CCDC142: variants seen among roughly 807,000 people sequenced by gnomAD.
The protein encoded by CCDC142 is coiled-coil domain containing 142, also known as coiled-coil domain-containing protein 142.
A neutral mutation model predicts 83.8 loss-of-function variants in CCDC142; 67 were observed. The observed-to-expected ratio is 0.80, with a 90% CI of 0.66 to 0.98. The LOEUF is 0.98. Ranked by LOEUF, CCDC142 falls within the 50% of genes least tolerant of loss-of-function variation. The pLI, the probability that CCDC142 is intolerant of heterozygous loss-of-function variation, is 0.00. For missense variants in CCDC142, 905 were observed against 946.8 expected, an observed-to-expected ratio of 0.96 and a Z score of 0.58; for synonymous variants, 421 against 421.2, an observed-to-expected ratio of 1.00 and a Z score of 0.01.
In CCDC142 at chr2:74,482,716, C is replaced by T. The variant is rs777058768; in HGVS notation, c.122G>A (p.Trp41Ter). 1 of 1,606,486 alleles carries T rather than the reference C, an allele frequency of 6.2e-7. No individual in the cohort carries two copies. Among genetic ancestry groups the T allele is most frequent in the South Asian group, 1.1e-5 (1 of 91,090 alleles). Residue 41 changes from tryptophan (W) to a stop codon, truncating the protein, a stop_gained, in exon 1 of 9, where the codon TGG becomes TAG. Coordinates refer to ENST00000393965, the MANE Select transcript of CCDC142 (RefSeq NM_001365575.2). LOFTEE classifies it high-confidence loss of function. The surrounding 1 kb of genome is among the most constrained non-coding windows in gnomAD (Gnocchi z 5.0). ...WERSRTGGLR[W>*]EVHCWPSGTS... is the part of the protein sequence containing the mutation. ...TCCGCTCGGCCAGCAGTGAACCTCC[C>T]AGCGAAGACCGCCCGTTCGACTTCT...
At position 74,482,706 on chromosome 2, in the gene CCDC142, G is replaced by T. The variant is rs1331715669; in HGVS notation, c.132C>A (p.His44Gln). The T allele has an allele frequency of 1.2e-6, 2 of 1,608,080 alleles. No individual in the cohort carries two copies. Among genetic ancestry groups the T allele is most frequent in the Non-Finnish European group, 1.7e-6 (2 of 1,179,986 alleles). The change falls in exon 1 of 9, where the codon CAC becomes CAA. Residue 44 changes from histidine to glutamine, a missense_variant. Physicochemically the swap from His to Gln is conservative, Grantham distance 24 (BLOSUM62 0). Coordinates refer to ENST00000393965, the MANE Select transcript of CCDC142 (RefSeq NM_001365575.2). The surrounding 1 kb of genome is among the most constrained non-coding windows in gnomAD (Gnocchi z 5.0). ...SRTGGLRWEV[H>Q]CWPSGTSGGT... ...CTCCAGAAGTTCCGCTCGGCCAGCA[G>T]TGAACCTCCCAGCGAAGACCGCCCG...
intron 5 of CCDC142, among the ~76,000 whole-genome samples, chr2:74,477,719 G>A (rs1273162439): frequency 6.6e-6 from 1 of 152,156 alleles, no homozygotes; most frequent in African/African-American, 2.4e-5. Context: ...AGGGCTCTAT[G>A]ACCGTCACTG....
At chr2:74,478,383 T>A (rs542112240) in intron 5 of CCDC142, among the ~76,000 whole-genome samples, 1 of 145,704 alleles carries the variant, frequency 6.9e-6, no homozygotes, top group South Asian at 2.2e-4. Context: ...TTGTTTTCTG[T>A]TTTTTTTTTG....
In CCDC142 at chr2:74,472,875, G is replaced by A. The variant is rs1672222499; in HGVS notation, c.*1671C>T. 1.7e-6 allele frequency: 1 copy of A among 599,082 alleles called. No individual in the cohort carries two copies. Among genetic ancestry groups the A allele is most frequent in the Non-Finnish European group, 3.0e-6 (1 of 336,504 alleles). 37.1% of individuals were successfully genotyped at this position (599,082 alleles called of 1,614,324 possible). Reference sequence around the variant, plus strand: ...TGGGGGAGCCCAAAGTAGGCTGTCAGCAAATACAGCCTATCATGAATAGTC... The same window carrying A: ...TGGGGGAGCCCAAAGTAGGCTGTCAACAAATACAGCCTATCATGAATAGTC... On this transcript the variant is annotated 3_prime_UTR_variant, in exon 9 of 9. Coordinates refer to ENST00000393965, the MANE Select transcript of CCDC142 (RefSeq NM_001365575.2).
intron 5 of CCDC142, among the ~76,000 whole-genome samples, chr2:74,478,968 G>A (rs770772275): frequency 6.6e-6 from 1 of 150,894 alleles, no homozygotes; most frequent in Non-Finnish European, 1.5e-5. Context: ...GGAGGTTGCA[G>A]TGAGTAGAGA....
Position 74,482,442 on chromosome 2 carries a change from G to C in CCDC142, c.396C>G (p.Gly132=), listed in dbSNP as rs1351090047. The C allele has an allele frequency of 1.3e-6, 2 of 1,553,440 alleles. No homozygotes were observed. Among genetic ancestry groups the C allele is most frequent in the Non-Finnish European group, 1.7e-6 (2 of 1,148,138 alleles). Reference sequence around the variant, plus strand: ...ACCACTGGGGCAAGGGGCTAGGGCCGCCGGATGGCGAGCCAGGACTCAGGG... The same window carrying C: ...ACCACTGGGGCAAGGGGCTAGGGCCCCCGGATGGCGAGCCAGGACTCAGGG... The part of the protein sequence containing the change: ...MKTLSPGSPS[G]GPSPLPQWCR... The change falls in exon 1 of 9, where the codon GGC becomes GGG. Residue 132 remains glycine (G), a synonymous_variant. Transcript: ENST00000393965. The surrounding 1 kb of genome is among the most constrained non-coding windows in gnomAD (Gnocchi z 5.0).
intron 7 of CCDC142, 27 bp from the exon 8 acceptor site, chr2:74,475,142 C>G (rs766795162): frequency 1.2e-6 from 2 of 1,610,818 alleles, no homozygotes; most frequent in East Asian, 2.2e-5. Flanking sequence ...AGTATGGCCA[C>G]TTGACCCTCC....
At chr2:74,481,645 C>T in intron 1 of CCDC142, 107 bp from the exon 2 acceptor site, 2 of 1,385,138 alleles carry the variant, frequency 1.4e-6, no homozygotes, top group South Asian at 2.4e-5. Flanking sequence ...AGACTCGGGA[C>T]TGGGGTGGAA....
rs199622265 is a variant in CCDC142 at position 74,475,013 on chromosome 2, G to C, written c.1899C>G (p.Leu633=). The change falls in exon 8 of 9, where the codon CTC becomes CTG. Residue 633 remains leucine (L), a synonymous_variant. Transcript: ENST00000393965. ...SLSPDLRQTL[L]MLSIFQQLDG... ...CCAGCTGCTGGAAGATGCTGAGCAT[G>C]AGCAGGGTCTGGCGGAGATCAGGGG... The C allele has an allele frequency of 6.2e-7, 1 of 1,613,968 alleles. No individual in the cohort carries two copies. Among genetic ancestry groups the C allele is most frequent in the Non-Finnish European group, 8.5e-7 (1 of 1,179,982 alleles).
intron 5 of CCDC142, 131 bp downstream of exon 5, chr2:74,480,638 C>A: frequency 7.2e-6 from 4 of 559,176 alleles, no homozygotes; most frequent in South Asian, 6.3e-5. Flanking sequence ...ATGAACAGAG[C>A]AAAAAAAGAT....
rs1029069712 is a variant in CCDC142 at position 74,475,290 on chromosome 2, A to G, written c.1731T>C (p.Gly577=). The G allele has an allele frequency of 6.2e-7, 1 of 1,614,216 alleles. No individual in the cohort carries two copies. The highest frequency in any genetic ancestry group is 1.3e-5 in the African/African-American group (1 of 75,058). The part of the protein sequence containing the change: ...LPPQAQAPAL[G]QALTAIVGAW... ...CACCCACGATGGCCGTCAGAGCCTGACCAAGGGCAGGGGCCTGGGCTTGAG... is the reference window on the plus strand; with the variant it reads ...CACCCACGATGGCCGTCAGAGCCTGGCCAAGGGCAGGGGCCTGGGCTTGAG... The change falls in exon 7 of 9, where the codon GGT becomes GGC. Residue 577 remains glycine, a synonymous_variant. Coordinates refer to ENST00000393965, the MANE Select transcript of CCDC142 (RefSeq NM_001365575.2).
chr2:74,482,500 T>C lies in CCDC142; in HGVS notation c.338A>G (p.Tyr113Cys), dbSNP rs1672551369. ...GAGTCGCACAGCCGACTGTAGGTGG[T>C]AGGCGCAGTCTCGGGCCTGGAGGAG... ...EQLLQARDCA[Y>C]HLQSAVRLMK... Residue 113 changes from tyrosine to cysteine, a missense_variant, in exon 1 of 9, where the codon TAC (tyrosine) becomes TGC (cysteine). Tyr to Cys is a radical substitution (Grantham distance 194). This residue lies in a region of CCDC142 where 591 missense variants were observed against 571.4 expected (regional missense o/e 1.03). Coordinates refer to ENST00000393965, the MANE Select transcript of CCDC142 (RefSeq NM_001365575.2). The surrounding 1 kb of genome is among the most constrained non-coding windows in gnomAD (Gnocchi z 5.0). 2.6e-6 allele frequency: 4 copies of C among 1,561,206 alleles called. No homozygotes were observed. The highest frequency in any genetic ancestry group is 1.9e-5 in the Admixed American group (1 of 51,996).
intron 1 of CCDC142, 42 bp from the exon 2 acceptor site, chr2:74,481,580 A>G: frequency 1.3e-6 from 2 of 1,566,758 alleles, no homozygotes; most frequent in Non-Finnish European, 1.8e-6. Context: ...ACAAGGTCTC[A>G]CTTTCCACAA....
At chr2:74,481,697 C>T in intron 1 of CCDC142, 120 bp downstream of exon 1, 2 of 1,395,172 alleles carry the variant, frequency 1.4e-6, no homozygotes, top group South Asian at 1.3e-5. Flanking sequence ...ATAGTCTGAA[C>T]CCAGGGGTGT....
rs200598049 is a variant in CCDC142, at chr2:74,482,110, C to G, written c.728G>C (p.Arg243Pro). ...SRVLRLLTGE[R>P]GCQVASRLDE... ...CAGCCGACTTGCCACCTGGCAACCC[C>G]GCTCCCCCGTCAAGAGGCGGAGCAC... The change falls in exon 1 of 9, where the codon CGG becomes CCG. Residue 243 changes from arginine to proline, a missense_variant. Transcript: ENST00000393965. This position sits in a 1 kb window ranked among gnomAD's most constrained non-coding sequence, Gnocchi z 5.0. 25 of 1,613,546 alleles carry G rather than the reference C, an allele frequency of 1.5e-5. No individual in the cohort carries two copies. Among genetic ancestry groups the G allele is most frequent in the Non-Finnish European group, 2.1e-5 (25 of 1,179,970 alleles).
At position 74,474,998 on chromosome 2, in the gene CCDC142, G is replaced by A. The variant is rs1672286586; in HGVS notation, c.1914C>T (p.Phe638=). 6.2e-7 allele frequency: 1 copy of A among 1,613,850 alleles called. No individual in the cohort carries two copies. Among genetic ancestry groups the A allele is most frequent in the African/African-American group, 1.3e-5 (1 of 74,932 alleles). Residue 638 remains phenylalanine, a synonymous_variant, in exon 8 of 9, where the codon TTC becomes TTT. Coordinates refer to ENST00000393965, the MANE Select transcript of CCDC142 (RefSeq NM_001365575.2). ...ACAGCAGGGCCCCATCCAGCTGCTG[G>A]AAGATGCTGAGCATGAGCAGGGTCT... is the stretch of plus-strand genomic sequence containing the variant. ...LRQTLLMLSI[F]QQLDGALLCL...
Position 74,473,755 on chromosome 2 carries a change from G to A in CCDC142, c.*791C>T, listed in dbSNP as rs1672245307. 7.1e-6 allele frequency: 1 copy of A among 141,276 alleles called. No homozygotes were observed. The allele number at this position is 141,276 out of a possible 1,614,324, so 8.8% of individuals were successfully genotyped here. A position where few individuals can be genotyped will look rare whatever the true frequency, so the allele number is the denominator to read the frequency against. The stretch of plus-strand genomic sequence containing the variant: ...TACTCTGGATTCCAGGTGCTGGAGT[G>A]ATCTTGGATTTTTTTTTTTTTTTTT... On this transcript the variant is annotated 3_prime_UTR_variant, in exon 9 of 9. Coordinates refer to ENST00000393965, the MANE Select transcript of CCDC142 (RefSeq NM_001365575.2).
chr2:74,475,367 C>G lies in CCDC142; in HGVS notation c.1654G>C (p.Val552Leu). 6.2e-7 allele frequency: 1 copy of G among 1,602,038 alleles called. No individual in the cohort carries two copies. The highest frequency in any genetic ancestry group is 8.5e-7 in the Non-Finnish European group (1 of 1,173,672). The change falls in exon 7 of 9, where the codon GTG becomes CTG. Residue 552 changes from valine to leucine, a missense_variant. Coordinates refer to ENST00000393965, the MANE Select transcript of CCDC142 (RefSeq NM_001365575.2). ...PSAPSEYAGL[V>L]VRTVLEPVLQ... is the part of the protein sequence containing the mutation. ...ACAGGCTCCAGTACGGTGCGGACCA[C>G]TAAACCAGCATACTCACTAGGAGCA...
At chr2:74,481,723 T>C (rs1290808765) in intron 1 of CCDC142, 94 bp downstream of exon 1, 2 of 1,474,742 alleles carry the variant, frequency 1.4e-6, no homozygotes, top group East Asian at 4.5e-5. Context: ...CTAAAGGGCC[T>C]GCTTTTGCCT....
Sources: allele counts gnomAD v4.1 joint callset (sites outside exome capture counted in the v4.1 genomes callset), GRCh38; gene constraint gnomAD v4.1.1; regional missense constraint gnomAD v4.1.1; non-coding constraint Gnocchi (gnomAD v3.1); transcripts MANE v1.5; gene names NCBI Gene and HGNC (gene_info 2026-07-23, HGNC 2026-07-21).